Variants in HERC6 observed in about 807,000 individuals in gnomAD.
HERC6 encodes the protein probable E3 ubiquitin-protein ligase HERC6.
In HERC6, 101 loss-of-function variants were observed where a neutral mutation model predicts 114.5. The ratio of observed to expected loss-of-function variants is 0.88; its 90% CI spans 0.75 to 1.04. The LOEUF is 1.04. Ranked by LOEUF, HERC6 falls within the 50% of genes least tolerant of loss-of-function variation. HERC6 has a pLI of 0.00. For synonymous variants in HERC6, 408 were observed against 436.2 expected (o/e 0.94, Z 0.81); for missense variants, 1,133 against 1,230.9 (o/e 0.92, Z 1.19).
rs533050356 is a variant in HERC6 at position 88,414,455 on chromosome 4, G to T, written c.1558+1189G>T. Among the ~76,000 whole-genome samples the T allele has an allele frequency of 9.1e-4, 138 of 152,156 alleles. 1 individual carries two copies. The highest frequency in any genetic ancestry group is 3.1e-3 in the African/African-American group (129 of 41,516). ...GTCCCAATCCAGATCCCAAACAAGG[G>T]TTCTTAGATCTCACACAAGAAATAA... On this transcript the variant is annotated intron_variant, in intron 12 of 22. Coordinates refer to ENST00000264346, the MANE Select transcript of HERC6 (RefSeq NM_017912.4).
chr4:88,426,871 T>C (rs576459437), intron 15 of HERC6, among the ~76,000 whole-genome samples: 2 of 152,370 alleles, frequency 1.3e-5, no homozygotes, highest in African/African-American at 4.8e-5. Context: ...TTTTTATTTT[T>C]GTAACATCCC....
intron 3 of HERC6, 65 bp from the exon 4 acceptor site, chr4:88,390,587 T>C: frequency 7.5e-7 from 1 of 1,341,632 alleles, no homozygotes; most frequent in South Asian, 1.5e-5. Flanking sequence ...GTAGAATTAG[T>C]AGTTTCTATT....
At chr4:88,389,984 C>G (rs1734806821) in intron 3 of HERC6, among the ~76,000 whole-genome samples, 1 of 151,882 alleles carries the variant, frequency 6.6e-6, no homozygotes. Flanking sequence ...CGACATCAAC[C>G]TGGCCAACAT....
At chr4:88,430,570 A>AAAT (rs1342027006) in intron 16 of HERC6, among the ~76,000 whole-genome samples, 5 of 79,672 alleles carry the variant, frequency 6.3e-5, no homozygotes, top group Admixed American at 2.1e-4. Context: ...ACTCCATCTC[A>AAAT]AATAAATAAA....
At chr4:88,393,112 A>G (rs1021283612) in intron 4 of HERC6, among the ~76,000 whole-genome samples, 3 of 152,234 alleles carry the variant, frequency 2.0e-5, no homozygotes, top group African/African-American at 7.2e-5. Context: ...CTTGAAGCTT[A>G]GCTTTCTAGG....
At chr4:88,440,597 G>A (rs1739246585) in intron 22 of HERC6, 1 of 182,956 alleles carries the variant, frequency 5.5e-6, no homozygotes, top group East Asian at 1.5e-4. Flanking sequence ...TGTACCATCC[G>A]CATAGGGCAC....
intron 15 of HERC6, among the ~76,000 whole-genome samples, chr4:88,427,315 G>GT (rs1737735825): frequency 6.6e-6 from 1 of 152,168 alleles, no homozygotes; most frequent in African/African-American, 2.4e-5. Flanking sequence ...CTAGCTCTTG[G>GT]TTATGTAAAA....
intron 15 of HERC6, 58 bp from the exon 16 acceptor site, chr4:88,428,522 T>C (rs1160299918): frequency 7.5e-7 from 1 of 1,332,588 alleles, no homozygotes; most frequent in Non-Finnish European, 1.0e-6. Context: ...TATTAAACAA[T>C]CCTTGGGATT....
At position 88,438,125 on chromosome 4, in the gene HERC6, CAAAAAAAAAAAAAAA is replaced by C. The variant is rs746047106; in HGVS notation, c.2555+353_2555+367del. Reference sequence around the variant, plus strand: ...TGGGCAACAGAGTGAGACTGTGTCTCAAAAAAAAAAAAAAAAAAAAAAAGCATTTTAGCTTCTCAG... The same window carrying C: ...TGGGCAACAGAGTGAGACTGTGTCTCAAAAAAAAGCATTTTAGCTTCTCAG... On this transcript the variant is annotated intron_variant, in intron 20 of 22. Coordinates refer to ENST00000264346, the MANE Select transcript of HERC6 (RefSeq NM_017912.4). Among the ~76,000 whole-genome samples the C allele has an allele frequency of 6.8e-5, 3 of 43,940 alleles. No individual in the cohort carries two copies. In the South Asian group the frequency reaches 2.8e-3, roughly 40 times the overall value. The allele number at this position is 43,940 out of a possible 152,430, so 28.8% of individuals were successfully genotyped here. A position where few individuals can be genotyped will look rare whatever the true frequency, so the allele number is the denominator to read the frequency against.
chr4:88,439,051 T>C (rs371629112), intron 20 of HERC6, among the ~76,000 whole-genome samples: 1 of 152,298 alleles, frequency 6.6e-6, no homozygotes, highest in African/African-American at 2.4e-5. Context: ...TGACATGTGT[T>C]GTGAGAGGGG....
intron 16 of HERC6, 24 bp downstream of exon 16, chr4:88,428,774 C>T (rs769856356): frequency 6.8e-7 from 1 of 1,474,048 alleles, no homozygotes; most frequent in Non-Finnish European, 9.0e-7. Flanking sequence ...TCTCATTGAA[C>T]ATTTTTACTT....
chr4:88,431,184 G>A lies in HERC6; in HGVS notation c.2129G>A (p.Cys710Tyr). The change falls in exon 17 of 23, where the codon TGT (cysteine) becomes TAT (tyrosine). Residue 710 changes from cysteine (C) to tyrosine (Y), a missense_variant. Physicochemically the swap from Cys to Tyr is radical, Grantham distance 194. Transcript: ENST00000264346. ...TAGGTTGAATTTATTAATGAAATTT[G>A]TCCTGAGTCTGGAGGGGTTAGTTCA... ...VLVVEFINEICPESGGVSSEF... is the reference protein window; with the variant it reads ...VLVVEFINEIYPESGGVSSEF... 6.2e-7 allele frequency: 1 copy of A among 1,609,406 alleles called. No individual in the cohort carries two copies. The highest frequency in any genetic ancestry group is 1.1e-5 in the South Asian group (1 of 89,558).
Position 88,379,132 on chromosome 4 carries a change from G to T in HERC6, c.199+12G>T. ...CGGGGAGCTGCCAGGTGAGCGGGGG[G>T]CCCCAGGTGCAGGGTGTGAGGACCC... On this transcript the variant is annotated intron_variant, in intron 1 of 22. Coordinates refer to ENST00000264346, the MANE Select transcript of HERC6 (RefSeq NM_017912.4). 2.0e-6 allele frequency: 3 copies of T among 1,534,158 alleles called. No individual in the cohort carries two copies. The highest frequency in any genetic ancestry group is 1.2e-5 in the South Asian group (1 of 83,562).
intron 8 of HERC6, among the ~76,000 whole-genome samples, chr4:88,400,397 A>G (rs1027240214): frequency 1.3e-5 from 2 of 152,106 alleles, no homozygotes; most frequent in African/African-American, 4.8e-5. Flanking sequence ...GCGTTTCGCC[A>G]TGTTGCTCAG....
intron 8 of HERC6, among the ~76,000 whole-genome samples, chr4:88,402,306 C>T (rs550043519): frequency 2.4e-4 from 37 of 152,174 alleles, no homozygotes; most frequent in East Asian, 9.7e-4. Flanking sequence ...TTTCATGCTC[C>T]GGGAAATATT....
At chr4:88,423,754 C>T in intron 13 of HERC6, 106 bp from the exon 14 acceptor site, 2 of 451,118 alleles carry the variant, frequency 4.4e-6, no homozygotes, top group Non-Finnish European at 7.9e-6. Context: ...GTTTAGAGAG[C>T]TTTCTTCTTC....
intron 15 of HERC6, among the ~76,000 whole-genome samples, chr4:88,425,023 A>G (rs1393156468): frequency 6.6e-6 from 1 of 152,124 alleles, no homozygotes; most frequent in Non-Finnish European, 1.5e-5. Flanking sequence ...TTATTTAATA[A>G]TTTCATCCAT....
At chr4:88,410,455 C>A (rs1329132399) in intron 11 of HERC6, among the ~76,000 whole-genome samples, 1 of 152,138 alleles carries the variant, frequency 6.6e-6, no homozygotes, top group East Asian at 1.9e-4. Context: ...TGACTTTCCC[C>A]TTTAGCTTAG....
chr4:88,385,609 G>C, intron 3 of HERC6, 34 bp downstream of exon 3: 1 of 1,188,340 alleles, frequency 8.4e-7, no homozygotes, highest in Non-Finnish European at 1.2e-6. Flanking sequence ...AGTGTGAGTA[G>C]GAAGTAATTT....
Sources: gnomAD v4.1 joint callset for allele counts (sites outside exome capture counted in the v4.1 genomes callset) on GRCh38, gnomAD v4.1.1 for gene constraint, MANE v1.5 for transcripts, NCBI Gene and HGNC (gene_info 2026-07-23, HGNC 2026-07-21) for gene names.